Variants in HFM1 observed in about 807,000 individuals in gnomAD.
The protein encoded by HFM1 is probable ATP-dependent DNA helicase HFM1.
Under a neutral mutation model 192.1 loss-of-function variants are expected in HFM1, and 169 were observed. The observed-to-expected ratio is 0.88, with a 90% confidence interval of 0.78 to 1.00. HFM1 has a LOEUF of 1.00. HFM1 is among the 50% of genes least tolerant of loss of function. The pLI is 0.00. For missense variants in HFM1, 1,661 were observed against 1,668.0 expected (o/e 1.00, Z 0.07); for synonymous variants, 525 against 537.8 (o/e 0.98, Z 0.33).
intron 3 of HFM1, among the ~76,000 whole-genome samples, chr1:91,395,903 C>T (rs915234928): frequency 4.7e-5 from 7 of 149,464 alleles, no homozygotes; most frequent in Non-Finnish European, 8.9e-5. Context: ...GGATAGAGTG[C>T]AGTGGTGCAA....
chr1:91,355,410 T>C (rs1227531498), intron 13 of HFM1, among the ~76,000 whole-genome samples: 5 of 149,802 alleles, frequency 3.3e-5, no homozygotes, highest in Non-Finnish European at 5.9e-5. Context: ...AATCAAGACA[T>C]ATAGTGTCTA....
Position 91,385,624 on chromosome 1 carries a change from C to T in HFM1, c.705G>A (p.Met235Ile). The T allele has an allele frequency of 6.2e-7, 1 of 1,613,360 alleles. No individual in the cohort carries two copies. Among genetic ancestry groups the T allele is most frequent in the Non-Finnish European group, 8.5e-7 (1 of 1,179,444 alleles). ...AFSASEIGEGMFKAPSFSVAF... is the reference protein window; with the variant it reads ...AFSASEIGEGIFKAPSFSVAF... ...CAACTGAAAAAGATGGTGCTTTGAA[C>T]ATGCCTTCTCCGATTTCAGAAGCAG... Residue 235 changes from methionine to isoleucine, a missense_variant, in exon 5 of 39, where the codon ATG becomes ATA. Physicochemically the swap from Met to Ile is conservative, Grantham distance 10. Transcript: ENST00000370425.
chr1:91,353,695 T>C (rs922462231), intron 13 of HFM1, among the ~76,000 whole-genome samples: 16 of 149,120 alleles, frequency 1.1e-4, no homozygotes, highest in Non-Finnish European at 1.0e-4. Context: ...CCATAGTGTT[T>C]CCAGTGCTCT....
At chr1:91,375,751 A>G in intron 11 of HFM1, 24 bp from the exon 12 acceptor site, 1 of 1,602,326 alleles carries the variant, frequency 6.2e-7, no homozygotes, top group Non-Finnish European at 8.5e-7. Flanking sequence ...AAATATGTGC[A>G]TTAAAATTTT....
At chr1:91,320,358 T>C (rs1651908901) in intron 23 of HFM1, among the ~76,000 whole-genome samples, 1 of 152,232 alleles carries the variant, frequency 6.6e-6, no homozygotes, top group Non-Finnish European at 1.5e-5. Context: ...TTGGCTATGG[T>C]ATATGCTTCT....
intron 16 of HFM1, 31 bp downstream of exon 16, chr1:91,352,475 A>C: frequency 1.3e-6 from 2 of 1,506,068 alleles, no homozygotes; most frequent in Non-Finnish European, 1.8e-6. Flanking sequence ...TCATGTTTTT[A>C]AGTATAAAAA....
chr1:91,324,626 T>G lies in HFM1; in HGVS notation c.2427+49A>C, dbSNP rs1318771975. ...CAAATTAGTTGTTTCTCAAATATTATTTTATACTATACCACTATGTATTTT... is the reference window on the plus strand; with the variant it reads ...CAAATTAGTTGTTTCTCAAATATTAGTTTATACTATACCACTATGTATTTT... On this transcript the variant is annotated intron_variant, in intron 21 of 38. Coordinates refer to ENST00000370425, the MANE Select transcript of HFM1 (RefSeq NM_001017975.6). 3.6e-6 allele frequency: 3 copies of G among 835,328 alleles called. No homozygotes were observed. The South Asian group carries it at 4.5e-5, about 12-fold the overall frequency. The allele number at this position is 835,328 out of a possible 1,614,324, so 51.7% of individuals were successfully genotyped here.
intron 36 of HFM1, among the ~76,000 whole-genome samples, chr1:91,264,510 C>T (rs1317728486): frequency 1.1e-4 from 16 of 147,850 alleles, no homozygotes; most frequent in African/African-American, 4.0e-4. Flanking sequence ...GTAGCTGGGA[C>T]TACAGGCGCC....
chr1:91,353,888 T>C (rs1304910647), intron 13 of HFM1, among the ~76,000 whole-genome samples: 2 of 150,184 alleles, frequency 1.3e-5, no homozygotes, highest in Non-Finnish European at 3.0e-5. Flanking sequence ...ATTCCACTAG[T>C]TGTGCAGACA....
chr1:91,314,618 A>G (rs1383816911), intron 28 of HFM1, among the ~76,000 whole-genome samples: 2 of 152,136 alleles, frequency 1.3e-5, no homozygotes, highest in Admixed American at 1.3e-4. Flanking sequence ...CCCAATAAGA[A>G]TATATACTTT....
At chr1:91,379,985 C>T (rs1478231346) in intron 8 of HFM1, 119 bp downstream of exon 8, 6 of 456,516 alleles carry the variant, frequency 1.3e-5, no homozygotes, top group African/African-American at 2.0e-5. Context: ...CCAGACTTTA[C>T]TAGAAATATA....
chr1:91,395,221 A>G (rs942450841), intron 3 of HFM1, among the ~76,000 whole-genome samples: 7 of 152,068 alleles, frequency 4.6e-5, no homozygotes, highest in Admixed American at 3.3e-4. Context: ...TTTTCACTCA[A>G]TATTTCTGGG....
chr1:91,384,143 T>A (rs186268442), intron 6 of HFM1, among the ~76,000 whole-genome samples: 1 of 152,304 alleles, frequency 6.6e-6, no homozygotes, highest in African/African-American at 2.4e-5. Flanking sequence ...TATTTCATAC[T>A]TTTTTACCTC....
intron 30 of HFM1, among the ~76,000 whole-genome samples, chr1:91,303,337 T>C (rs561571757): frequency 6.6e-6 from 1 of 152,352 alleles, no homozygotes; most frequent in Admixed American, 6.5e-5. Flanking sequence ...TGCTGTAGCA[T>C]GCATCAGTAG....
chr1:91,374,731 C>T (rs1394827404), intron 13 of HFM1, among the ~76,000 whole-genome samples: 1 of 152,108 alleles, frequency 6.6e-6, no homozygotes, highest in African/African-American at 2.4e-5. Context: ...AGACATACAA[C>T]TGGATTCAGT....
chr1:91,401,093 T>C lies in HFM1; in HGVS notation c.-11A>G. 2 of 1,504,440 alleles carry C rather than the reference T, an allele frequency of 1.3e-6. No homozygotes were observed. The highest frequency in any genetic ancestry group is 2.5e-5 in the South Asian group (2 of 79,614). The allele number at this position is 1,504,440 out of a possible 1,614,324, so 93.2% of individuals were successfully genotyped here. On this transcript the variant is annotated 5_prime_UTR_variant, in exon 2 of 39. Transcript: ENST00000370425. Reference sequence around the variant, plus strand: ...ATTTGATTTCAGCATTGTTGAAAACTGGACTTTGTCATAAATCTACAAAAT... The same window carrying C: ...ATTTGATTTCAGCATTGTTGAAAACCGGACTTTGTCATAAATCTACAAAAT...
rs776476764 is a variant in HFM1 at position 91,404,787 on chromosome 1, C to G, written c.-28+11G>C. 2.9e-5 allele frequency: 13 copies of G among 447,424 alleles called. No individual in the cohort carries two copies. The highest frequency in any genetic ancestry group is 2.3e-4 in the East Asian group (3 of 13,130). The allele number at this position is 447,424 out of a possible 1,614,324, so 27.7% of individuals were successfully genotyped here. On this transcript the variant is annotated intron_variant, in intron 1 of 38. Coordinates refer to ENST00000370425, the MANE Select transcript of HFM1 (RefSeq NM_001017975.6). ...CACCTTCCCCGCGGGCGTCCGGGCC[C>G]CTCTCCTCACCTCCCTGCGGACAGC...
chr1:91,262,481 A>C lies in HFM1; in HGVS notation c.4086T>G (p.Ile1362Met). 6.3e-7 allele frequency: 1 copy of C among 1,587,356 alleles called. No homozygotes were observed. Among genetic ancestry groups the C allele is most frequent in the Non-Finnish European group, 8.6e-7 (1 of 1,158,728 alleles). ...AAAACAAAGAAGTGCTTCTTCTTAC[A>C]ATAACTGCATTTCCGGCTTGTTGAG... ...KLPQQAGNAV[I>M]VHFQERKPQN... The change falls in exon 37 of 39, where the codon ATT becomes ATG. Residue 1362 changes from isoleucine to methionine, a missense_variant and splice_region_variant. Physicochemically the swap from Ile to Met is conservative, Grantham distance 10. Transcript: ENST00000370425.
At chr1:91,276,358 A>C (rs1374981955) in intron 32 of HFM1, among the ~76,000 whole-genome samples, 1 of 152,194 alleles carries the variant, frequency 6.6e-6, no homozygotes, top group African/African-American at 2.4e-5. Context: ...AAATTCTATG[A>C]TTGGGAATAA....
Sources: allele counts gnomAD v4.1 joint callset (sites outside exome capture counted in the v4.1 genomes callset), GRCh38; gene constraint gnomAD v4.1.1; transcripts MANE v1.5; gene names NCBI Gene and HGNC (gene_info 2026-07-23, HGNC 2026-07-21).